Variants in CSNK1A1 observed in about 807,000 individuals in gnomAD.
The protein encoded by CSNK1A1 is casein kinase 1 alpha 1.
CSNK1A1 carries 7 observed loss-of-function variants against 46.1 expected under a neutral mutation model. The observed-to-expected ratio is 0.15, with a 90% confidence interval of 0.09 to 0.29. CSNK1A1 has a LOEUF of 0.29. CSNK1A1 is among the 10% of genes least tolerant of loss of function. The pLI, the probability that CSNK1A1 is intolerant of heterozygous loss-of-function variation, is 1.00. For missense variants in CSNK1A1, 96 were observed against 417.1 expected, an observed-to-expected ratio of 0.23 and a Z score of 6.71; for synonymous variants, 137 against 141.5, an observed-to-expected ratio of 0.97 and a Z score of 0.23.
At chr5:149,543,473 C>T (rs539983879) in intron 2 of CSNK1A1, among the ~76,000 whole-genome samples, 11 of 151,592 alleles carry the variant, frequency 7.3e-5, no homozygotes, top group Non-Finnish European at 1.3e-4. Flanking sequence ...TGATCTGTGA[C>T]GTACGTTTTT....
intron 6 of CSNK1A1, among the ~76,000 whole-genome samples, chr5:149,510,432 G>A (rs931711574): frequency 2.0e-5 from 3 of 151,432 alleles, no homozygotes; most frequent in Admixed American, 2.0e-4. Context: ...ATCATACCCA[G>A]CTGAAAAGCA....
intron 2 of CSNK1A1, among the ~76,000 whole-genome samples, chr5:149,533,498 G>A (rs1246752270): frequency 6.6e-6 from 1 of 152,102 alleles, no homozygotes; most frequent in Non-Finnish European, 1.5e-5. Flanking sequence ...TGACAGCATA[G>A]GTTGGTATAG....
At chr5:149,518,564 T>C (rs1486082404) in intron 4 of CSNK1A1, among the ~76,000 whole-genome samples, 1 of 152,116 alleles carries the variant, frequency 6.6e-6, no homozygotes, top group Non-Finnish European at 1.5e-5. Flanking sequence ...AAAACACTAA[T>C]CTAAAATGTT....
intron 9 of CSNK1A1, chr5:149,497,285 G>A (rs1760683651): frequency 3.0e-6 from 3 of 990,592 alleles, no homozygotes; most frequent in African/African-American, 3.5e-5. Flanking sequence ...AAATTAAAAC[G>A]GTTAGCTTTA....
In CSNK1A1 at chr5:149,511,883, G is replaced by A. The variant is rs753605842; in HGVS notation, c.597-11C>T. On this transcript the variant is annotated splice_polypyrimidine_tract_variant and intron_variant, in intron 5 of 9. Transcript: ENST00000377843. The stretch of plus-strand genomic sequence containing the variant: ...ATGTCATCTCGGCGACTAGAAAAGA[G>A]AACGTAATTTTATAAACTGGAACTA... 6 of 1,588,968 alleles carry A rather than the reference G, an allele frequency of 3.8e-6. No individual in the cohort carries two copies. The African/African-American group carries it at 6.8e-5, about 18-fold the overall frequency.
intron 2 of CSNK1A1, chr5:149,545,478 G>A (rs1021831940): frequency 1.3e-5 from 7 of 559,074 alleles, no homozygotes; most frequent in African/African-American, 1.9e-5. Flanking sequence ...GTTGATCCTT[G>A]GCCTTTGGCC....
At chr5:149,505,901 T>C (rs1033473373) in intron 8 of CSNK1A1, among the ~76,000 whole-genome samples, 3 of 152,156 alleles carry the variant, frequency 2.0e-5, no homozygotes, top group Non-Finnish European at 4.4e-5. Context: ...GAAGACACTT[T>C]TCTGGGGTTA....
intron 9 of CSNK1A1, chr5:149,503,663 A>G (rs1341424386): frequency 2.8e-5 from 28 of 985,322 alleles, no homozygotes; most frequent in South Asian, 1.9e-4. Flanking sequence ...CCCCGCCCCA[A>G]TGAAACTAAC....
intron 2 of CSNK1A1, among the ~76,000 whole-genome samples, chr5:149,540,565 T>C (rs1018931384): frequency 3.3e-5 from 5 of 152,094 alleles, no homozygotes; most frequent in African/African-American, 1.2e-4. Context: ...TATTAATCTA[T>C]AGTAAAACCA....
chr5:149,537,584 AAAAACAAACAAAAC>A, intron 2 of CSNK1A1, among the ~76,000 whole-genome samples: 1 of 151,732 alleles, frequency 6.6e-6, no homozygotes, highest in African/African-American at 2.4e-5. Context: ...TAATTACATT[AAAAACAAACAAAAC>A]AAAACAAAGA....
rs763147496 is a variant in CSNK1A1 at position 149,525,566 on chromosome 5, G to A, written c.231-395C>T. On this transcript the variant is annotated intron_variant, in intron 2 of 9. Coordinates refer to ENST00000377843, the MANE Select transcript of CSNK1A1 (RefSeq NM_001892.6). The surrounding 1 kb of genome is among the most constrained non-coding windows in gnomAD (Gnocchi z 4.2). ...CAGTCATTCCAAAATGTTTCAGAAA[G>A]CAAAGATTTCTTTTATCTGAACTTC... 2.6e-5 allele frequency among the ~76,000 whole-genome samples: 4 copies of A among 152,136 alleles called. No homozygotes were observed. Among genetic ancestry groups the A allele is most frequent in the Non-Finnish European group, 5.9e-5 (4 of 68,010 alleles).
intron 2 of CSNK1A1, among the ~76,000 whole-genome samples, chr5:149,534,312 T>C (rs531813816): frequency 5.2e-4 from 79 of 151,476 alleles, no homozygotes; most frequent in Non-Finnish European, 8.6e-4. Context: ...TGAAACCCCG[T>C]CTCTACTAAA....
Position 149,517,737 on chromosome 5 carries a change from A to G in CSNK1A1, c.456+2553T>C. 1 of 1,120,338 alleles carries G rather than the reference A, an allele frequency of 8.9e-7. No individual in the cohort carries two copies. The highest frequency in any genetic ancestry group is 1.4e-5 in the South Asian group (1 of 71,830). The allele number at this position is 1,120,338 out of a possible 1,614,324, so 69.4% of individuals were successfully genotyped here. On this transcript the variant is annotated intron_variant, in intron 4 of 9. Transcript: ENST00000377843. This position sits in a 1 kb window ranked among gnomAD's most constrained non-coding sequence, Gnocchi z 4.4. ...ACAAAAATCATCAAAATAAAACAATAAAAAAGAAAAGCACATGAATTTGGG... is the reference window on the plus strand; with the variant it reads ...ACAAAAATCATCAAAATAAAACAATGAAAAAGAAAAGCACATGAATTTGGG...
intron 7 of CSNK1A1, among the ~76,000 whole-genome samples, chr5:149,509,106 G>A (rs910685179): frequency 1.4e-4 from 21 of 151,674 alleles, no homozygotes; most frequent in African/African-American, 5.1e-4. Flanking sequence ...TGCATTTTTT[G>A]TAGCGATGGG....
At chr5:149,499,574 C>T (rs569325995) in intron 9 of CSNK1A1, among the ~76,000 whole-genome samples, 10 of 150,794 alleles carry the variant, frequency 6.6e-5, no homozygotes, top group Non-Finnish European at 8.9e-5. Flanking sequence ...TAAACCTGGG[C>T]AACATAGTGA....
chr5:149,507,275 C>G (rs1000302879), intron 7 of CSNK1A1, 142 bp from the exon 8 acceptor site: 2 of 609,328 alleles, frequency 3.3e-6, no homozygotes, highest in African/African-American at 3.7e-5. Flanking sequence ...AAAATGATGG[C>G]TTGGTCTCCT....
At chr5:149,509,163 G>A (rs893536014) in intron 7 of CSNK1A1, among the ~76,000 whole-genome samples, 5 of 152,094 alleles carry the variant, frequency 3.3e-5, no homozygotes, top group African/African-American at 9.7e-5. Context: ...GGGCTCAAGC[G>A]ATCCACCCTC....
At chr5:149,538,408 C>T (rs1002561944) in intron 2 of CSNK1A1, among the ~76,000 whole-genome samples, 1 of 152,124 alleles carries the variant, frequency 6.6e-6, no homozygotes, top group Non-Finnish European at 1.5e-5. Context: ...TTCTCTTCAA[C>T]GTACTGTACA....
intron 2 of CSNK1A1, among the ~76,000 whole-genome samples, chr5:149,526,226 C>T (rs920444772): frequency 1.3e-5 from 2 of 152,072 alleles, no homozygotes; most frequent in African/African-American, 4.8e-5. Context: ...AGCCTTTGAC[C>T]TTCTGGTCTC....
Sources: allele counts gnomAD v4.1 joint callset (sites outside exome capture counted in the v4.1 genomes callset), GRCh38; gene constraint gnomAD v4.1.1; non-coding constraint Gnocchi (gnomAD v3.1); transcripts MANE v1.5; gene names NCBI Gene and HGNC (gene_info 2026-07-23, HGNC 2026-07-21).